The following LIMK1 variants were observed in gnomAD, a reference collection of about 807,000 sequenced individuals.
The protein encoded by LIMK1 is LIM domain kinase 1.
A neutral mutation model predicts 77.6 loss-of-function variants in LIMK1; 21 were observed. The ratio of observed to expected loss-of-function variants is 0.27; its 90% CI spans 0.19 to 0.39. The LOEUF is 0.39. LIMK1 is among the 10% of genes least tolerant of loss of function. The pLI is 1.00. For synonymous variants in LIMK1, 358 were observed against 370.0 expected (o/e 0.97, Z 0.37); for missense variants, 696 against 901.6 (o/e 0.77, Z 2.92).
At chr7:74,113,921 A>G (rs954646884) in intron 12 of LIMK1, among the ~76,000 whole-genome samples, 8 of 151,906 alleles carry the variant, frequency 5.3e-5, no homozygotes, top group African/African-American at 1.9e-4. Flanking sequence ...GTGTCACTGC[A>G]CTCCAGCCTG....
chr7:74,089,778 A>G (rs1255315074), intron 2 of LIMK1, among the ~76,000 whole-genome samples: 1 of 152,094 alleles, frequency 6.6e-6, no homozygotes, highest in Non-Finnish European at 1.5e-5. Flanking sequence ...GGAAAGTCAG[A>G]AAAAACGGCC....
At chr7:74,086,706 G>A (rs1799143674) in intron 2 of LIMK1, among the ~76,000 whole-genome samples, 1 of 152,046 alleles carries the variant, frequency 6.6e-6, no homozygotes, top group African/African-American at 2.4e-5. Flanking sequence ...TAGAGAGGAT[G>A]GGAGAGACCT....
chr7:74,103,218 A>G lies in LIMK1; in HGVS notation c.609-2657A>G, dbSNP rs12530548. Among the ~76,000 whole-genome samples, 437 of 149,572 alleles carry G rather than the reference A, an allele frequency of 2.9e-3. 2 individuals carry two copies. Among genetic ancestry groups the G allele is most frequent in the Non-Finnish European group, 4.4e-3 (299 of 67,468 alleles). ...CATGATCTTGACATTTTTGAAGTGT[A>G]CAGGCCAGTCATTAAAGTAAAATGT... On this transcript the variant is annotated intron_variant, in intron 5 of 15. Coordinates refer to ENST00000336180, the MANE Select transcript of LIMK1 (RefSeq NM_002314.4).
intron 2 of LIMK1, among the ~76,000 whole-genome samples, chr7:74,091,016 C>T (rs1554694701): frequency 6.6e-6 from 1 of 152,140 alleles, no homozygotes; most frequent in East Asian, 1.9e-4. Flanking sequence ...CGGGTTCACA[C>T]CATTCTCCTG....
intron 12 of LIMK1, 117 bp from the exon 13 acceptor site, chr7:74,115,685 G>T: frequency 8.9e-7 from 1 of 1,121,232 alleles, no homozygotes. Context: ...CCAATACAGC[G>T]TATCAGAGGT....
intron 12 of LIMK1, among the ~76,000 whole-genome samples, chr7:74,112,613 A>G (rs1799723892): frequency 6.6e-6 from 1 of 151,942 alleles, no homozygotes; most frequent in Non-Finnish European, 1.5e-5. Flanking sequence ...CCAGGAGTTC[A>G]AGACCAGCCT....
At chr7:74,115,596 T>C in intron 12 of LIMK1, 2 of 552,628 alleles carry the variant, frequency 3.6e-6, no homozygotes, top group South Asian at 2.3e-5. Context: ...GAAGCCACAC[T>C]GCTATCTTCA....
At chr7:74,120,758 G>A in intron 14 of LIMK1, 120 bp downstream of exon 14, 1 of 1,539,020 alleles carries the variant, frequency 6.5e-7, no homozygotes, top group Non-Finnish European at 9.0e-7. Context: ...GCAAGGCATG[G>A]GCTGGCCCCC....
chr7:74,120,993 C>T lies in LIMK1; in HGVS notation c.1725C>T (p.Cys575=), dbSNP rs782390592. ...TGGACCGCTACTGCCCCCCAAACTG[C>T]CCCCCGAGCTTCTTCCCCATCACCG... The part of the protein sequence containing the change: ...GFLDRYCPPN[C]PPSFFPITVR... Residue 575 remains cysteine, a synonymous_variant, in exon 15 of 16, where the codon TGC becomes TGT. Transcript: ENST00000336180. 25 of 1,593,158 alleles carry T rather than the reference C, an allele frequency of 1.6e-5. No homozygotes were observed. Among genetic ancestry groups the T allele is most frequent in the Non-Finnish European group, 2.0e-5 (23 of 1,168,746 alleles).
At chr7:74,109,963 G>A in intron 10 of LIMK1, 1 of 152,202 alleles carries the variant, frequency 6.6e-6, no homozygotes, top group Non-Finnish European at 1.5e-5. Flanking sequence ...TCTTCCTCAG[G>A]TTGGATTACC....
chr7:74,098,904 C>T, intron 4 of LIMK1, 128 bp from the exon 5 acceptor site: 1 of 673,850 alleles, frequency 1.5e-6, no homozygotes, highest in South Asian at 1.8e-5. Flanking sequence ...CAGAGTGAGA[C>T]TCCATCTCAA....
At chr7:74,105,180 C>T (rs1554697142) in intron 5 of LIMK1, among the ~76,000 whole-genome samples, 1 of 152,132 alleles carries the variant, frequency 6.6e-6, no homozygotes, top group African/African-American at 2.4e-5. Flanking sequence ...TCTCAAACTC[C>T]TGACTTCAAG....
At chr7:74,104,271 C>A (rs1799522754) in intron 5 of LIMK1, among the ~76,000 whole-genome samples, 1 of 151,928 alleles carries the variant, frequency 6.6e-6, no homozygotes, top group East Asian at 1.9e-4. Context: ...TCTGCCTTAC[C>A]CCCATCCCCT....
intron 1 of LIMK1, among the ~76,000 whole-genome samples, chr7:74,084,260 C>T (rs1489975687): frequency 6.6e-6 from 1 of 151,986 alleles, no homozygotes; most frequent in East Asian, 1.9e-4. Context: ...GGTCTGGGGG[C>T]CCCTGGACCC....
At chr7:74,087,358 C>G (rs1340805121) in intron 2 of LIMK1, among the ~76,000 whole-genome samples, 1 of 151,918 alleles carries the variant, frequency 6.6e-6, no homozygotes, top group Non-Finnish European at 1.5e-5. Context: ...GAGCTATGAT[C>G]GCACCACTGC....
At position 74,107,867 on chromosome 7, in the gene LIMK1, G is replaced by T. The variant is rs370059400; in HGVS notation, c.1066-4G>T. The T allele has an allele frequency of 1.9e-6, 3 of 1,563,562 alleles. No individual in the cohort carries two copies. The South Asian group carries it at 3.5e-5, about 18-fold the overall frequency. The stretch of plus-strand genomic sequence containing the variant: ...GTCTTCACACCTCTGTGTCCCACAC[G>T]CAGGTGACACACCGTGAGACAGGTG... On this transcript the variant is annotated splice_region_variant and splice_polypyrimidine_tract_variant and intron_variant, in intron 8 of 15. Coordinates refer to ENST00000336180, the MANE Select transcript of LIMK1 (RefSeq NM_002314.4).
At chr7:74,109,973 C>T (rs1392590860) in intron 10 of LIMK1, 1 of 152,220 alleles carries the variant, frequency 6.6e-6, no homozygotes, top group African/African-American at 2.4e-5. Context: ...GTTGGATTAC[C>T]TTGTATCCAA....
At chr7:74,112,044 A>T in intron 12 of LIMK1, 46 bp downstream of exon 12, 1 of 1,464,188 alleles carries the variant, frequency 6.8e-7, no homozygotes, top group Non-Finnish European at 9.4e-7. Flanking sequence ...AGACAGCAGG[A>T]GCCCATCCAA....
At chr7:74,085,292 G>A (rs955855103) in intron 1 of LIMK1, among the ~76,000 whole-genome samples, 31 of 152,208 alleles carry the variant, frequency 2.0e-4, no homozygotes, top group Admixed American at 1.2e-3. Flanking sequence ...CCTCCCAGCT[G>A]GCTTCAGCCC....
Sources: allele counts gnomAD v4.1 joint callset (sites outside exome capture counted in the v4.1 genomes callset), GRCh38; gene constraint gnomAD v4.1.1; transcripts MANE v1.5; gene names NCBI Gene and HGNC (gene_info 2026-07-23, HGNC 2026-07-21).